Variants in CEP350 observed in about 807,000 individuals in gnomAD.
CEP350 encodes centrosome-associated protein 350.
Under a neutral mutation model 331.8 loss-of-function variants are expected in CEP350, and 126 were observed. That is an observed-to-expected ratio of 0.38 (90% confidence interval 0.33 to 0.44). CEP350 has a LOEUF of 0.44. CEP350 is among the 20% of genes least tolerant of loss of function. The pLI is 1.00. For synonymous variants in CEP350, 1,200 were observed against 1,259.5 expected (o/e 0.95, Z 1.00); for missense variants, 3,406 against 3,634.6 (o/e 0.94, Z 1.62).
intron 1 of CEP350, among the ~76,000 whole-genome samples, chr1:179,976,750 C>CTA (rs2148624852): frequency 6.6e-6 from 1 of 151,716 alleles, no homozygotes; most frequent in Admixed American, 6.6e-5. Flanking sequence ...TTTTTTCTCT[C>CTA]TAAGTACATG....
intron 31 of CEP350, chr1:180,087,086 CA>C (rs969315669): frequency 2.0e-5 from 3 of 152,042 alleles, no homozygotes; most frequent in African/African-American, 7.2e-5. Context: ...GGGTAATAAC[CA>C]GGAAACTTTT....
At chr1:180,040,888 TATTA>T (rs1198079538) in intron 17 of CEP350, among the ~76,000 whole-genome samples, 3 of 152,208 alleles carry the variant, frequency 2.0e-5, no homozygotes, top group Non-Finnish European at 4.4e-5. Flanking sequence ...GGCTTTTTGG[TATTA>T]ATTCTTAGTC....
intron 36 of CEP350, among the ~76,000 whole-genome samples, chr1:180,096,621 T>C (rs1300257318): frequency 6.6e-6 from 1 of 152,138 alleles, no homozygotes; most frequent in Non-Finnish European, 1.5e-5. Context: ...GACACATAGG[T>C]GTTAACTTCT....
Position 180,054,453 on chromosome 1 carries a change from C to T in CEP350, c.5213C>T (p.Pro1738Leu), listed in dbSNP as rs768235381. The change falls in exon 25 of 38, where the codon CCG (proline) becomes CTG (leucine). Residue 1738 changes from proline to leucine, a missense_variant. Around this residue, in one of 5 missense-constraint regions of CEP350, gnomAD observed 104 missense variants for 143.3 expected, o/e 0.73. Coordinates refer to ENST00000367607, the MANE Select transcript of CEP350 (RefSeq NM_014810.5). Reference protein sequence around the residue: ...RDKGEDDKMPPLRKKQRGLLL... With the variant: ...RDKGEDDKMPLLRKKQRGLLL... ...AAAGGAGAGGATGATAAAATGCCCC[C>T]GCTCCGGAAGAAACAGCGTGGTTTG... The T allele has an allele frequency of 2.5e-6, 4 of 1,601,032 alleles. No individual in the cohort carries two copies. Among genetic ancestry groups the T allele is most frequent in the Non-Finnish European group, 2.6e-6 (3 of 1,173,656 alleles).
chr1:179,987,369 A>G, intron 3 of CEP350, 83 bp downstream of exon 3: 2 of 681,974 alleles, frequency 2.9e-6, no homozygotes, highest in African/African-American at 1.9e-5. Context: ...AATGTTTTCC[A>G]TACTGTTCTT....
At chr1:179,992,440 C>T (rs186683162) in intron 5 of CEP350, among the ~76,000 whole-genome samples, 4 of 152,110 alleles carry the variant, frequency 2.6e-5, no homozygotes, top group Admixed American at 2.6e-4. Flanking sequence ...GATAAATATT[C>T]GAGGGGGAAG....
intron 23 of CEP350, 120 bp downstream of exon 23, chr1:180,053,286 GTTTTA>G (rs1406822336): frequency 1.1e-4 from 59 of 528,738 alleles, no homozygotes; most frequent in Non-Finnish European, 9.4e-5. Context: ...TAAGATATCA[GTTTTA>G]TTTTATAGTT....
At chr1:179,977,981 T>C (rs1342380153) in intron 1 of CEP350, among the ~76,000 whole-genome samples, 2 of 150,746 alleles carry the variant, frequency 1.3e-5, no homozygotes, top group Non-Finnish European at 3.0e-5. Context: ...AAAATATGTA[T>C]AAAATATGTA....
chr1:180,010,427 G>C (rs971214616), intron 8 of CEP350, among the ~76,000 whole-genome samples: 1 of 123,200 alleles, frequency 8.1e-6, no homozygotes, highest in Admixed American at 8.6e-5. Context: ...TTTTTTTAAA[G>C]AAACTATACC....
At chr1:180,001,063 C>A (rs1653837868) in intron 6 of CEP350, among the ~76,000 whole-genome samples, 1 of 152,092 alleles carries the variant, frequency 6.6e-6, no homozygotes, top group Non-Finnish European at 1.5e-5. Context: ...CAAAGTACTA[C>A]TACCAGTTTT....
chr1:179,959,298 A>G (rs753286002), intron 1 of CEP350, among the ~76,000 whole-genome samples: 20 of 152,304 alleles, frequency 1.3e-4, no homozygotes, highest in Non-Finnish European at 1.8e-4. Flanking sequence ...TCTACTAAAA[A>G]TACGAAAACT....
chr1:179,969,414 A>T, intron 1 of CEP350: 1 of 509,790 alleles, frequency 2.0e-6, no homozygotes, highest in Admixed American at 2.0e-5. Flanking sequence ...CCTATTCAGC[A>T]GTTTCCTACT....
chr1:179,967,568 C>G (rs1443422471), intron 1 of CEP350, among the ~76,000 whole-genome samples: 1 of 152,012 alleles, frequency 6.6e-6, no homozygotes, highest in Non-Finnish European at 1.5e-5. Flanking sequence ...TGCACCACCA[C>G]GTCCAGCCAA....
intron 30 of CEP350, among the ~76,000 whole-genome samples, chr1:180,081,270 T>C (rs914736164): frequency 6.6e-6 from 1 of 152,164 alleles, no homozygotes; most frequent in African/African-American, 2.4e-5. Context: ...TAATTAATTA[T>C]GTGTTGTACC....
chr1:180,099,005 CTG>C lies in CEP350; in HGVS notation c.9189+22_9189+23del, dbSNP rs536502561. Reference sequence around the variant, plus strand: ...ATCCTGGTCAGTGTATACAACCAAACTGTTTTTATTTTGACCATATCTTTTAA... The same window carrying C: ...ATCCTGGTCAGTGTATACAACCAAACTTTTTATTTTGACCATATCTTTTAA... On this transcript the variant is annotated intron_variant, in intron 37 of 37. Transcript: ENST00000367607. 241 of 1,599,112 alleles carry C rather than the reference CTG, an allele frequency of 1.5e-4. 4 individuals carry two copies. In the South Asian group the frequency reaches 2.5e-3, roughly 17 times the overall value.
Position 179,992,072 on chromosome 1 carries a change from C to A in CEP350, c.246C>A (p.Tyr82Ter). The change falls in exon 5 of 38, where the codon TAC (tyrosine) becomes TAA (stop). Residue 82 changes from tyrosine to a stop codon, truncating the protein, a stop_gained. Coordinates refer to ENST00000367607, the MANE Select transcript of CEP350 (RefSeq NM_014810.5). LOFTEE classifies it high-confidence loss of function. ...TTCCTTTTCCTTCAGATGGTAGATA[C>A]CTGGATGATTCTTGGGTTAATGCTC... ...TRKISRKDGRYLDDSWVNAPI... is the reference protein window; with the variant it reads ...TRKISRKDGR 1 of 1,537,790 alleles carries A rather than the reference C, an allele frequency of 6.5e-7. No individual in the cohort carries two copies. The highest frequency in any genetic ancestry group is 1.3e-5 in the South Asian group (1 of 78,506).
chr1:180,063,481 C>T (rs1658368082), intron 26 of CEP350, among the ~76,000 whole-genome samples: 1 of 151,860 alleles, frequency 6.6e-6, no homozygotes, highest in South Asian at 2.1e-4. Flanking sequence ...GTGTGAGCCA[C>T]CATGTCCAGT....
chr1:180,054,607 AT>A, intron 25 of CEP350, 105 bp downstream of exon 25: 1 of 772,632 alleles, frequency 1.3e-6, no homozygotes, highest in Non-Finnish European at 2.2e-6. Context: ...CTTAAATGAG[AT>A]TTAGTTGATA....
chr1:180,030,301 A>ATATACT (rs1236260171), intron 14 of CEP350, among the ~76,000 whole-genome samples: 7 of 145,476 alleles, frequency 4.8e-5, no homozygotes, highest in Non-Finnish European at 1.1e-4. Flanking sequence ...ACATAAGTAT[A>ATATACT]TATGTGTATA....
Sources: allele counts gnomAD v4.1 joint callset (sites outside exome capture counted in the v4.1 genomes callset), GRCh38; gene constraint gnomAD v4.1.1; regional missense constraint gnomAD v4.1.1; transcripts MANE v1.5; gene names NCBI Gene and HGNC (gene_info 2026-07-23, HGNC 2026-07-21).